MUC17: variants seen among roughly 807,000 people sequenced by gnomAD.
The protein encoded by MUC17 is mucin-17.
In MUC17, 190 loss-of-function variants were observed where a neutral mutation model predicts 170.3. That is an observed-to-expected ratio of 1.12 (90% confidence interval 0.99 to 1.26). MUC17 has a LOEUF of 1.26. Among genes scored for constraint, MUC17 ranks in the 50% most tolerant of loss-of-function variants. MUC17 has a pLI of 0.00. For missense variants in MUC17, 6,415 were observed against 5,530.0 expected (o/e 1.16, Z -5.08); for synonymous variants, 2,325 against 2,002.5 (o/e 1.16, Z -4.30).
chr7:101,033,258 T>C lies in MUC17; in HGVS notation c.1842T>C (p.Ala614=), dbSNP rs890394615. ...SSEASSSSTT[A]EGTSMPTSTY... is the part of the protein sequence containing the mutation. ...AAGCTAGTTCATCTTCTACAACTGC[T>C]GAAGGTACCAGCATGCCAACCTCAA... Residue 614 remains alanine (A), a synonymous_variant, in exon 3 of 13, where the codon GCT becomes GCC. Transcript: ENST00000306151. The C allele has an allele frequency of 1.9e-6, 3 of 1,613,846 alleles. No homozygotes were observed. In the Admixed American group the frequency reaches 5.0e-5, roughly 27 times the overall value.
rs778933781 is a variant in MUC17 at position 101,033,544 on chromosome 7, A to G, written c.2128A>G (p.Thr710Ala). Residue 710 changes from threonine to alanine, a missense_variant, in exon 3 of 13, where the codon ACA (threonine) becomes GCA (alanine). Coordinates refer to ENST00000306151, the MANE Select transcript of MUC17 (RefSeq NM_001040105.2). ...VASSEASTLS[T>A]TPVDTSTPVT... is the part of the protein sequence containing the mutation. ...CAGTTCTGAGGCTAGCACCCTTTCA[A>G]CAACTCCTGTTGACACCAGCACACC... 3.7e-6 allele frequency: 6 copies of G among 1,613,974 alleles called. No homozygotes were observed. The Admixed American group carries it at 1.0e-4, about 27-fold the overall frequency.
rs779111793 is a variant in MUC17, at chr7:101,037,756, G to T, written c.6340G>T (p.Val2114Leu). The T allele has an allele frequency of 1.2e-6, 2 of 1,613,792 alleles. No individual in the cohort carries two copies. The highest frequency in any genetic ancestry group is 2.2e-5 in the East Asian group (1 of 44,884). The change falls in exon 3 of 13, where the codon GTG becomes TTG. Residue 2114 changes from valine to leucine, a missense_variant. Val to Leu is a conservative substitution (Grantham distance 32, BLOSUM62 1). Transcript: ENST00000306151. ...AAGTATACCTCTCAGCACCACGCCG[G>T]TGGCCAGTCCTGAGGCTAGCACCCT... is the stretch of plus-strand genomic sequence containing the variant. ...LTSIPLSTTP[V>L]ASPEASTLST... is the part of the protein sequence containing the mutation.
rs557778894 is a variant in MUC17, at chr7:101,039,460, A to G, written c.8044A>G (p.Met2682Val). ...SSPTTAEGSS[M>V]PTSTPGERST... The stretch of plus-strand genomic sequence containing the variant: ...TCCTACAACTGCTGAAGGTAGCAGC[A>G]TGCCAACCTCAACTCCTGGTGAAAG... Residue 2682 changes from methionine (M) to valine (V), a missense_variant, in exon 3 of 13, where the codon ATG (methionine) becomes GTG (valine). Transcript: ENST00000306151. 2 of 1,611,504 alleles carry G rather than the reference A, an allele frequency of 1.2e-6. No individual in the cohort carries two copies. The highest frequency in any genetic ancestry group is 1.3e-5 in the African/African-American group (1 of 74,830).
Position 101,034,399 on chromosome 7 carries a change from G to T in MUC17, c.2983G>T (p.Val995Leu). ...AAGCACACCTGTCAGCCACACGCTG[G>T]TGGCCAATTCTGAGGCTAGCACCCT... ...LTSTPVSHTL[V>L]ANSEASTLST... Residue 995 changes from valine to leucine, a missense_variant, in exon 3 of 13, where the codon GTG becomes TTG. Transcript: ENST00000306151. The T allele has an allele frequency of 1.2e-6, 2 of 1,606,892 alleles. No individual in the cohort carries two copies. The highest frequency in any genetic ancestry group is 1.7e-6 in the Non-Finnish European group (2 of 1,176,476).
Position 101,037,522 on chromosome 7 carries a change from AC to A in MUC17, c.6108del (p.Ser2037GlnfsTer10), listed in dbSNP as rs1584865942. The part of the protein sequence containing the change: ...PTTAGGTSIQ[T>X]STPSERTTPL... ...AACTGCAGGAGGTACCAGCATACAA[AC>A]CTCAACTCCTAGTGAACGGACCACT... On this transcript the variant is annotated frameshift_variant, in exon 3 of 13. Coordinates refer to ENST00000306151, the MANE Select transcript of MUC17 (RefSeq NM_001040105.2). LOFTEE classifies it high-confidence loss of function. 4.3e-6 allele frequency: 7 copies of A among 1,613,692 alleles called. No individual in the cohort carries two copies. In the East Asian group the frequency reaches 1.1e-4, roughly 26 times the overall value.
chr7:101,028,179 C>CA, intron 1 of MUC17, among the ~76,000 whole-genome samples: 1 of 151,200 alleles, frequency 6.6e-6, no homozygotes, highest in East Asian at 2.0e-4. Context: ...GCAACCTCTG[C>CA]CTCCCAGTTC....
chr7:101,058,238 C>T lies in MUC17; in HGVS notation c.*194C>T, dbSNP rs1015175908. 6.6e-6 allele frequency: 3 copies of T among 451,272 alleles called. No individual in the cohort carries two copies. Among genetic ancestry groups the T allele is most frequent in the Non-Finnish European group, 1.2e-5 (3 of 251,328 alleles). 28.0% of individuals were successfully genotyped at this position (451,272 alleles called of 1,614,324 possible). ...ATTCTCAAATAGAAACCCGTGGACG[C>T]TCCAATGGGCTTGTCATGATATCAG... On this transcript the variant is annotated 3_prime_UTR_variant, in exon 13 of 13. Coordinates refer to ENST00000306151, the MANE Select transcript of MUC17 (RefSeq NM_001040105.2).
rs530215197 is a variant in MUC17 at position 101,037,311 on chromosome 7, A to G, written c.5895A>G (p.Ser1965=). 1 of 1,613,998 alleles carries G rather than the reference A, an allele frequency of 6.2e-7. No individual in the cohort carries two copies. The highest frequency in any genetic ancestry group is 2.2e-5 in the East Asian group (1 of 44,858). ...TGACCACTTATTCTCAAGCCAGTTC[A>G]TCTCCTACAACTGCTGATGGTACCA... The part of the protein sequence containing the change: ...TPVTTYSQAS[S]SPTTADGTSM... Residue 1965 remains serine, a synonymous_variant, in exon 3 of 13, where the codon TCA becomes TCG. Transcript: ENST00000306151.
Position 101,035,320 on chromosome 7 carries a change from C to A in MUC17, c.3904C>A (p.Pro1302Thr), listed in dbSNP as rs1231042223. 1 of 1,610,404 alleles carries A rather than the reference C, an allele frequency of 6.2e-7. No homozygotes were observed. Among genetic ancestry groups the A allele is most frequent in the Admixed American group, 1.7e-5 (1 of 59,836 alleles). The change falls in exon 3 of 13, where the codon CCT becomes ACT. Residue 1302 changes from proline to threonine, a missense_variant. Physicochemically the swap from Pro to Thr is conservative, Grantham distance 38. Transcript: ENST00000306151. ...SPEASTLLTT[P>T]VDTKGPVVTS... ...TGAGGCTAGCACCCTTTTAACAACT[C>A]CTGTTGACACTAAAGGTCCTGTGGT...
Position 101,058,092 on chromosome 7 carries a change from A to G in MUC17, c.*48A>G. The G allele has an allele frequency of 6.4e-7, 1 of 1,555,682 alleles. No homozygotes were observed. The highest frequency in any genetic ancestry group is 1.1e-5 in the South Asian group (1 of 89,498). Reference sequence around the variant, plus strand: ...GAGTGAGGAGATCCCAGTCCGGCTAAGCTTGGTGGAGCATTTTCCCATTGA... The same window carrying G: ...GAGTGAGGAGATCCCAGTCCGGCTAGGCTTGGTGGAGCATTTTCCCATTGA... On this transcript the variant is annotated 3_prime_UTR_variant, in exon 13 of 13. Coordinates refer to ENST00000306151, the MANE Select transcript of MUC17 (RefSeq NM_001040105.2).
chr7:101,027,781 T>TC (rs1794207095), intron 1 of MUC17, among the ~76,000 whole-genome samples: 1 of 151,262 alleles, frequency 6.6e-6, no homozygotes, highest in African/African-American at 2.4e-5. Flanking sequence ...AAAAATTTCT[T>TC]TTTTTTTTGA....
intron 1 of MUC17, among the ~76,000 whole-genome samples, chr7:101,026,876 A>G (rs1011287556): frequency 2.0e-5 from 3 of 152,080 alleles, no homozygotes; most frequent in Non-Finnish European, 4.4e-5. Context: ...CACCATGCCC[A>G]GCTAATTTTT....
Position 101,037,735 on chromosome 7 carries a change from A to G in MUC17, c.6319A>G (p.Ile2107Val), listed in dbSNP as rs2116435114. ...PSEGSPLLTS[I>V]PLSTTPVASP... Reference sequence around the variant, plus strand: ...TGAAGGAAGTCCTCTACTAACAAGTATACCTCTCAGCACCACGCCGGTGGC... The same window carrying G: ...TGAAGGAAGTCCTCTACTAACAAGTGTACCTCTCAGCACCACGCCGGTGGC... Residue 2107 changes from isoleucine to valine, a missense_variant, in exon 3 of 13, where the codon ATA (isoleucine) becomes GTA (valine). Physicochemically the swap from Ile to Val is conservative, Grantham distance 29. Coordinates refer to ENST00000306151, the MANE Select transcript of MUC17 (RefSeq NM_001040105.2). The G allele has an allele frequency of 6.2e-7, 1 of 1,613,512 alleles. No homozygotes were observed. The highest frequency in any genetic ancestry group is 8.5e-7 in the Non-Finnish European group (1 of 1,179,842).
Position 101,032,340 on chromosome 7 carries a change from T to G in MUC17, c.924T>G (p.Thr308=). The part of the protein sequence containing the change: ...TPAATNIPVI[T]STEASSSPTT... Reference sequence around the variant, plus strand: ...CTGCCACCAACATTCCTGTGATCACTTCTACTGAAGCCAGTTCATCTCCTA... The same window carrying G: ...CTGCCACCAACATTCCTGTGATCACGTCTACTGAAGCCAGTTCATCTCCTA... Residue 308 remains threonine (T), a synonymous_variant, in exon 3 of 13, where the codon ACT becomes ACG. Coordinates refer to ENST00000306151, the MANE Select transcript of MUC17 (RefSeq NM_001040105.2). 6.2e-7 allele frequency: 1 copy of G among 1,613,632 alleles called. No individual in the cohort carries two copies. Among genetic ancestry groups the G allele is most frequent in the Non-Finnish European group, 8.5e-7 (1 of 1,179,948 alleles).
chr7:101,048,178 C>T, intron 4 of MUC17, 63 bp downstream of exon 4: 3 of 1,459,234 alleles, frequency 2.1e-6, no homozygotes, highest in Non-Finnish European at 2.7e-6. Flanking sequence ...ATACAAGCAA[C>T]AGTTCCTGCC....
Position 101,040,002 on chromosome 7 carries a change from A to T in MUC17, c.8586A>T (p.Ser2862=), listed in dbSNP as rs535882664. The T allele has an allele frequency of 6.8e-6, 11 of 1,612,824 alleles. No individual in the cohort carries two copies. Among genetic ancestry groups the T allele is most frequent in the South Asian group, 6.6e-5 (6 of 91,052 alleles). Residue 2862 remains serine (S), a synonymous_variant, in exon 3 of 13, where the codon TCA becomes TCT. Transcript: ENST00000306151. The part of the protein sequence containing the change: ...TTAEGIVVPI[S]TASEGSTLLT... ...CTGAAGGTATCGTCGTGCCAATCTC[A>T]ACTGCTAGTGAAGGAAGTACTCTAT...
chr7:101,036,490 TTAACAAGTA>T lies in MUC17; in HGVS notation c.5079_5087del (p.Ser1694_Thr1696del). ...AACTTATACTGAAGGAAGAACTCCT[TTAACAAGTA>T]TAACTGTCAGAACAACACCGGTGGC... On this transcript the variant is annotated inframe_deletion, in exon 3 of 13. Transcript: ENST00000306151. The T allele has an allele frequency of 6.2e-7, 1 of 1,610,652 alleles. No individual in the cohort carries two copies. The highest frequency in any genetic ancestry group is 2.2e-5 in the East Asian group (1 of 44,592).
At position 101,042,130 on chromosome 7, in the gene MUC17, A is replaced by G; in HGVS notation, c.10714A>G (p.Ser3572Gly). 1 of 1,614,124 alleles carries G rather than the reference A, an allele frequency of 6.2e-7. No individual in the cohort carries two copies. The highest frequency in any genetic ancestry group is 1.6e-4 in the Middle Eastern group (1 of 6,062). ...QVTTMRMSTPSEGSSSLTTML... is the reference protein window; with the variant it reads ...QVTTMRMSTPGEGSSSLTTML... ...CACCACTATGCGTATGTCTACTCCA[A>G]GTGAAGGAAGCTCTTCATTAACAAC... The change falls in exon 3 of 13, where the codon AGT becomes GGT. Residue 3572 changes from serine (S) to glycine (G), a missense_variant. By Grantham distance (56) the Ser-to-Gly change is moderately conservative. Transcript: ENST00000306151.
intron 7 of MUC17, 92 bp from the exon 8 acceptor site, chr7:101,051,521 C>T (rs1794943497): frequency 3.1e-6 from 4 of 1,296,620 alleles, no homozygotes; most frequent in South Asian, 2.6e-5. Flanking sequence ...CATCGCAGCC[C>T]ACCCCCTTCT....
Sources: allele counts gnomAD v4.1 joint callset (sites outside exome capture counted in the v4.1 genomes callset), GRCh38; gene constraint gnomAD v4.1.1; transcripts MANE v1.5; gene names NCBI Gene and HGNC (gene_info 2026-07-23, HGNC 2026-07-21).